TSPAN4: variants seen among roughly 807,000 people sequenced by gnomAD.
TSPAN4 encodes tetraspanin-4.
A neutral mutation model predicts 31.5 loss-of-function variants in TSPAN4; 38 were observed. The ratio of observed to expected loss-of-function variants is 1.21; its 90% CI spans 0.93 to 1.58. The LOEUF (loss-of-function observed/expected upper bound fraction) is 1.58, where lower values mean the gene tolerates loss of function less well. Ranked by LOEUF, TSPAN4 falls within the 40% of genes most tolerant of loss-of-function variation. The pLI is 0.00. For synonymous variants in TSPAN4, 186 were observed against 144.6 expected, an observed-to-expected ratio of 1.29 and a Z score of -2.06; for missense variants, 330 against 317.3, an observed-to-expected ratio of 1.04 and a Z score of -0.30.
At chr11:852,811 G>C (rs190385259) in intron 3 of TSPAN4, among the ~76,000 whole-genome samples, 1 of 152,164 alleles carries the variant, frequency 6.6e-6, no homozygotes, top group African/African-American at 2.4e-5. Context: ...CTCCTCCTCC[G>C]TCTTCTCAGG....
chr11:861,528 C>G (rs534621908), intron 3 of TSPAN4, among the ~76,000 whole-genome samples: 1 of 152,090 alleles, frequency 6.6e-6, no homozygotes, highest in Non-Finnish European at 1.5e-5. Flanking sequence ...CTGGCTAACA[C>G]GGTGAAACCC....
At chr11:843,447 G>C (rs1167670103) in intron 1 of TSPAN4, 22 of 152,222 alleles carry the variant, frequency 1.4e-4, no homozygotes, top group Admixed American at 1.3e-3. Context: ...GGAGGGAGTC[G>C]TGGAAGAGGT....
intron 4 of TSPAN4, chr11:863,071 G>A (rs947548150): frequency 1.4e-5 from 3 of 211,524 alleles, no homozygotes; most frequent in South Asian, 1.7e-4. Flanking sequence ...AGCCTTTCAC[G>A]GGCTTGCGGT....
chr11:866,509 T>G, intron 8 of TSPAN4, 53 bp from the exon 9 acceptor site: 1 of 1,571,100 alleles, frequency 6.4e-7, no homozygotes, highest in Non-Finnish European at 8.7e-7. Context: ...GCTCTGGGCT[T>G]GAGGCCTGAG....
At chr11:845,073 C>T (rs970183374) in intron 1 of TSPAN4, among the ~76,000 whole-genome samples, 2 of 152,182 alleles carry the variant, frequency 1.3e-5, no homozygotes, top group Non-Finnish European at 2.9e-5. Context: ...AGAAACTGCC[C>T]GCCCGGAGGG....
Position 860,081 on chromosome 11 carries a change from A to G in TSPAN4, c.64-2469A>G, listed in dbSNP as rs116575356. ...GCCAATGGCTCAGCAGAGCTTCCCAAGATAGGTCCTGCGCTGGCAGCCTCC... is the reference window on the plus strand; with the variant it reads ...GCCAATGGCTCAGCAGAGCTTCCCAGGATAGGTCCTGCGCTGGCAGCCTCC... On this transcript the variant is annotated intron_variant, in intron 3 of 8. Coordinates refer to ENST00000397397, the MANE Select transcript of TSPAN4 (RefSeq NM_003271.5). Among the ~76,000 whole-genome samples, 307 of 152,250 alleles carry G rather than the reference A, an allele frequency of 2.0e-3. 1 individual carries two copies. The highest frequency in any genetic ancestry group is 7.1e-3 in the African/African-American group (297 of 41,564).
intron 2 of TSPAN4, chr11:849,885 A>AGCGGATCCGC (rs1276324942): frequency 6.8e-6 from 1 of 146,980 alleles, no homozygotes; most frequent in Admixed American, 6.7e-5. Flanking sequence ...CCGGGGTCCG[A>AGCGGATCCGC]GCGGATCCGC....
chr11:845,366 A>AG (rs1847256809), intron 1 of TSPAN4, among the ~76,000 whole-genome samples: 1 of 151,612 alleles, frequency 6.6e-6, no homozygotes, highest in Non-Finnish European at 1.5e-5. Context: ...CGTTGTGAGC[A>AG]GTGGGGCCTG....
Position 861,124 on chromosome 11 carries a change from C to T in TSPAN4, c.64-1426C>T, listed in dbSNP as rs574930376. Among the ~76,000 whole-genome samples, 239 of 152,322 alleles carry T rather than the reference C, an allele frequency of 1.6e-3. 1 individual carries two copies. Among genetic ancestry groups the T allele is most frequent in the African/African-American group, 5.6e-3 (232 of 41,562 alleles). ...GCCTTGCTGGGCCAGCAGCCTAGCA[C>T]CCTCTCTCTGGGCGCAGCACCCCCT... is the stretch of plus-strand genomic sequence containing the variant. On this transcript the variant is annotated intron_variant, in intron 3 of 8. Transcript: ENST00000397397.
chr11:846,201 G>T (rs887459640), intron 1 of TSPAN4, among the ~76,000 whole-genome samples: 11 of 152,232 alleles, frequency 7.2e-5, no homozygotes, highest in African/African-American at 2.7e-4. Flanking sequence ...GGACTGAGCT[G>T]CTGCCCTGCT....
intron 5 of TSPAN4, chr11:864,769 C>T: frequency 3.5e-6 from 2 of 571,228 alleles, no homozygotes; most frequent in Non-Finnish European, 6.3e-6. Context: ...GTCCCCCGCC[C>T]TCTGACGCAG....
At chr11:865,110 A>G (rs1848696803) in intron 5 of TSPAN4, 2 of 193,646 alleles carry the variant, frequency 1.0e-5, no homozygotes, top group African/African-American at 2.3e-5. Context: ...GCCCTGGCCC[A>G]GGAATCAGCC....
At chr11:865,343 G>A in intron 5 of TSPAN4, 170 bp from the exon 6 acceptor site, 1 of 613,172 alleles carries the variant, frequency 1.6e-6, no homozygotes. Flanking sequence ...GGGCCTCAGG[G>A]CTGCTGGGAG....
chr11:860,158 G>A (rs1008060613), intron 3 of TSPAN4, among the ~76,000 whole-genome samples: 40 of 152,242 alleles, frequency 2.6e-4, no homozygotes, highest in Non-Finnish European at 5.9e-5. Flanking sequence ...CTGGAAGGCC[G>A]GGGAAGGACA....
chr11:856,044 GA>G (rs1349132639), intron 3 of TSPAN4, among the ~76,000 whole-genome samples: 1 of 152,234 alleles, frequency 6.6e-6, no homozygotes, highest in Non-Finnish European at 1.5e-5. Flanking sequence ...AGGCCTACAG[GA>G]GGCTCAAGGG....
intron 4 of TSPAN4, 45 bp downstream of exon 4, chr11:862,786 G>A (rs764017007): frequency 3.2e-6 from 5 of 1,544,034 alleles, no homozygotes; most frequent in Non-Finnish European, 4.4e-6. Context: ...GACCACGCAG[G>A]GTGGGGCTCC....
In TSPAN4 at chr11:865,747, C is replaced by T. The variant is rs1848745023; in HGVS notation, c.486C>T (p.Ala162=). The T allele has an allele frequency of 6.2e-7, 1 of 1,613,108 alleles. No homozygotes were observed. Among genetic ancestry groups the T allele is most frequent in the African/African-American group, 1.3e-5 (1 of 74,924 alleles). The change falls in exon 7 of 9, where the codon GCC becomes GCT. Residue 162 remains alanine, a synonymous_variant. Coordinates refer to ENST00000397397, the MANE Select transcript of TSPAN4 (RefSeq NM_003271.5). ...NYTDWFEVYN[A]TRVPDSCCLE... is the part of the protein sequence containing the mutation. The stretch of plus-strand genomic sequence containing the variant: ...CTGACTGGTTCGAGGTGTACAACGC[C>T]ACGCGGGTACCTGACTCCTGCTGCT...
intron 4 of TSPAN4, 64 bp downstream of exon 4, chr11:862,805 C>A: frequency 6.8e-7 from 1 of 1,480,242 alleles, no homozygotes; most frequent in South Asian, 1.4e-5. Context: ...CCGGTGGCCC[C>A]CAGGCCTTGG....
rs367783294 is a variant in TSPAN4, at chr11:865,896, C to T, written c.565-22C>T. The T allele has an allele frequency of 2.6e-4, 421 of 1,613,000 alleles. 1 individual carries two copies. Among genetic ancestry groups the T allele is most frequent in the Admixed American group, 2.8e-4 (17 of 60,012 alleles). Reference sequence around the variant, plus strand: ...GGGACCAGCAGGCCCTGCCGTGACACGCATGACATCCCTCCCTGCAGCCGT... The same window carrying T: ...GGGACCAGCAGGCCCTGCCGTGACATGCATGACATCCCTCCCTGCAGCCGT... On this transcript the variant is annotated intron_variant, in intron 7 of 8. Transcript: ENST00000397397.
Sources: gnomAD v4.1 joint callset for allele counts (sites outside exome capture counted in the v4.1 genomes callset) on GRCh38, gnomAD v4.1.1 for gene constraint, MANE v1.5 for transcripts, NCBI Gene and HGNC (gene_info 2026-07-23, HGNC 2026-07-21) for gene names.